GPR89B: variants seen among roughly 807,000 people sequenced by gnomAD.
GPR89B encodes G protein-coupled receptor 89B.
In GPR89B, 25 loss-of-function variants were observed where a neutral mutation model predicts 52.4. The ratio of observed to expected loss-of-function variants is 0.48; its 90% CI spans 0.35 to 0.67. GPR89B has a LOEUF of 0.67. Ranked by LOEUF, GPR89B falls within the 30% of genes least tolerant of loss-of-function variation. The pLI is 0.01. For synonymous variants in GPR89B, 52 were observed against 151.2 expected, an observed-to-expected ratio of 0.34 and a Z score of 4.81; for missense variants, 146 against 450.2, an observed-to-expected ratio of 0.32 and a Z score of 6.11.
intron 11 of GPR89B, 22 bp from the exon 12 acceptor site, chr1:147,988,409 AT>A (rs1558070448): frequency 8.2e-7 from 1 of 1,220,914 alleles, no homozygotes; most frequent in Non-Finnish European, 1.2e-6. Context: ...TTTAGCAGAT[AT>A]TTTTTCTTGT....
the GPR89B span, chr1:148,009,221 A>G: frequency 2.4e-5 from 26 of 1,069,506 alleles, no homozygotes; most frequent in East Asian, 5.3e-4. Context: ...AGCTGTTGCA[A>G]GCTATCTATA....
chr1:147,971,583 TCC>T (rs1400461549), intron 10 of GPR89B, among the ~76,000 whole-genome samples: 1 of 149,954 alleles, frequency 6.7e-6, no homozygotes, highest in African/African-American at 2.5e-5. Context: ...TTCAAGTGAT[TCC>T]CCTGCCTTAG....
chr1:147,929,731 A>G (rs1455117043), intron 1 of GPR89B, among the ~76,000 whole-genome samples: 1 of 152,234 alleles, frequency 6.6e-6, no homozygotes, highest in African/African-American at 2.4e-5. Flanking sequence ...TGTTTACAAT[A>G]TTTAAGAAAA....
At chr1:147,976,868 G>C (rs1657866093) in intron 10 of GPR89B, among the ~76,000 whole-genome samples, 1 of 151,738 alleles carries the variant, frequency 6.6e-6, no homozygotes, top group African/African-American at 2.4e-5. Context: ...TGTCTGAAAA[G>C]GATTTTATTT....
chr1:147,980,814 G>C (rs1220058238), intron 10 of GPR89B, among the ~76,000 whole-genome samples: 1 of 85,464 alleles, frequency 1.2e-5, no homozygotes, highest in Admixed American at 2.0e-4. Flanking sequence ...GCGAGACTCC[G>C]TCTCAAAAAA....
the GPR89B span, among the ~76,000 whole-genome samples, chr1:148,013,295 T>C: frequency 4.6e-5 from 7 of 152,076 alleles, no homozygotes; most frequent in African/African-American, 1.7e-4. Context: ...GATAGGGCGT[T>C]CCTGCCCCGC....
In GPR89B at chr1:147,980,818, CAAAAAAAAAAAAAAA is replaced by C. The variant is rs1176400328; in HGVS notation, c.910-5367_910-5353del. The stretch of plus-strand genomic sequence containing the variant: ...TGGGCGACAGAGCGAGACTCCGTCT[CAAAAAAAAAAAAAAA>C]AAAAAAAAAAAAAGAAATTCCATAC... On this transcript the variant is annotated intron_variant, in intron 10 of 13. Transcript: ENST00000314163. Among the ~76,000 whole-genome samples, 14 of 22,570 alleles carry C rather than the reference CAAAAAAAAAAAAAAA, an allele frequency of 6.2e-4. No homozygotes were observed. In the East Asian group the frequency reaches 0.017, roughly 28 times the overall value. The allele number at this position is 22,570 out of a possible 152,430, so 14.8% of individuals were successfully genotyped here.
chr1:147,968,600 A>G (rs1657200540), intron 8 of GPR89B: 3 of 544,816 alleles, frequency 5.5e-6, no homozygotes, highest in Admixed American at 3.1e-5. Context: ...GATAAATCAA[A>G]AAACAAATGA....
chr1:147,941,187 G>A (rs1654527646), intron 3 of GPR89B, among the ~76,000 whole-genome samples: 1 of 152,212 alleles, frequency 6.6e-6, no homozygotes, highest in South Asian at 2.1e-4. Flanking sequence ...ATGTAATCTT[G>A]TTGGGATCCT....
At chr1:148,024,917 C>A in the GPR89B span, among the ~76,000 whole-genome samples, 1 of 152,020 alleles carries the variant, frequency 6.6e-6, no homozygotes, top group Non-Finnish European at 1.5e-5. Flanking sequence ...GATGGAAACA[C>A]CATCCTTCCG....
intron 10 of GPR89B, among the ~76,000 whole-genome samples, chr1:147,982,525 G>C (rs1658343002): frequency 7.4e-6 from 1 of 134,638 alleles, no homozygotes; most frequent in Non-Finnish European, 1.6e-5. Flanking sequence ...TTTGGTACCA[G>C]TACCATGCTG....
At chr1:148,017,194 AG>A in the GPR89B span, among the ~76,000 whole-genome samples, 7 of 151,522 alleles carry the variant, frequency 4.6e-5, no homozygotes, top group Non-Finnish European at 1.5e-5. Flanking sequence ...GGTGCGTGCC[AG>A]GACACCCAGG....
At chr1:147,980,085 C>CAA (rs1359509482) in intron 10 of GPR89B, among the ~76,000 whole-genome samples, 24 of 114,268 alleles carry the variant, frequency 2.1e-4, no homozygotes, top group African/African-American at 4.9e-4. Context: ...GACTCTGTCT[C>CAA]AAAAAAAAAA....
intron 5 of GPR89B, among the ~76,000 whole-genome samples, chr1:147,949,864 A>C (rs1354511541): frequency 1.8e-4 from 18 of 97,948 alleles, no homozygotes; most frequent in Middle Eastern, 0.011. Context: ...ACTTCCCAGT[A>C]GGGGCGGCCG....
chr1:147,980,818 CAAAAAAAAAAAAAAAAAA>C (rs1176400328), intron 10 of GPR89B, among the ~76,000 whole-genome samples: 1 of 22,566 alleles, frequency 4.4e-5, no homozygotes, highest in Non-Finnish European at 8.0e-5. Context: ...GACTCCGTCT[CAAAAAAAAAAAAAAAAAA>C]AAAAAAAAAA....
chr1:147,972,622 T>G (rs1657553580), intron 10 of GPR89B, among the ~76,000 whole-genome samples: 1 of 151,948 alleles, frequency 6.6e-6, no homozygotes, highest in Non-Finnish European at 1.5e-5. Context: ...CCATATTTTT[T>G]TTGGATGAAT....
chr1:147,947,115 A>C (rs1220976353), intron 5 of GPR89B, among the ~76,000 whole-genome samples: 1 of 151,998 alleles, frequency 6.6e-6, no homozygotes, highest in African/African-American at 2.4e-5. Context: ...CAGGGATATC[A>C]CTTGAGGCCA....
At chr1:147,932,107 A>G (rs1301327798) in intron 1 of GPR89B, among the ~76,000 whole-genome samples, 6 of 151,558 alleles carry the variant, frequency 4.0e-5, no homozygotes, top group African/African-American at 1.5e-4. Flanking sequence ...CATTTCCACT[A>G]TACATACCAC....
At chr1:147,981,841 C>T (rs879171122) in intron 10 of GPR89B, among the ~76,000 whole-genome samples, 1 of 151,490 alleles carries the variant, frequency 6.6e-6, no homozygotes, top group Non-Finnish European at 1.5e-5. Context: ...TTAGTAGAGA[C>T]GAGGTTTGAC....
Sources: allele counts gnomAD v4.1 joint callset (sites outside exome capture counted in the v4.1 genomes callset), GRCh38; gene constraint gnomAD v4.1.1; transcripts MANE v1.5; gene names NCBI Gene and HGNC (gene_info 2026-07-23, HGNC 2026-07-21).